The following OSMR variants were observed in gnomAD, a reference collection of about 807,000 sequenced individuals.
OSMR encodes the protein oncostatin-M-specific receptor subunit beta.
Under a neutral mutation model 99.9 loss-of-function variants are expected in OSMR, and 81 were observed. The observed-to-expected ratio is 0.81, with a 90% confidence interval of 0.68 to 0.97. The LOEUF (loss-of-function observed/expected upper bound fraction) is 0.97, where lower values mean the gene tolerates loss of function less well. Ranked by LOEUF, OSMR falls within the 50% of genes least tolerant of loss-of-function variation. OSMR has a pLI of 0.00. For synonymous variants in OSMR, 406 were observed against 410.4 expected, an observed-to-expected ratio of 0.99 and a Z score of 0.13; for missense variants, 1,099 against 1,153.4, an observed-to-expected ratio of 0.95 and a Z score of 0.68.
chr5:38,929,053 C>T (rs188794367), intron 15 of OSMR, among the ~76,000 whole-genome samples: 11 of 152,160 alleles, frequency 7.2e-5, no homozygotes, highest in African/African-American at 2.6e-4. Flanking sequence ...ATATTTGCAA[C>T]TTTCCTGAGA....
chr5:38,888,110 TGCA>T (rs1426981882), intron 7 of OSMR, among the ~76,000 whole-genome samples: 2 of 152,176 alleles, frequency 1.3e-5, no homozygotes, highest in Non-Finnish European at 2.9e-5. Flanking sequence ...AAACCCCATG[TGCA>T]GCAGAATAGT....
Position 38,883,967 on chromosome 5 carries a change from C to G in OSMR, c.559C>G (p.His187Asp). The change falls in exon 5 of 18, where the codon CAT becomes GAT. Residue 187 changes from histidine (H) to aspartate (D), a missense_variant. His to Asp is a moderately conservative substitution (Grantham distance 81). Transcript: ENST00000274276. ...CTGTTATTTGGAAGGGAAACAGATT[C>G]ATGGAGAACAACTTGATCCACATGT... ...VSCYLEGKQIHGEQLDPHVTA... is the reference protein window; with the variant it reads ...VSCYLEGKQIDGEQLDPHVTA... The G allele has an allele frequency of 6.2e-7, 1 of 1,613,850 alleles. No homozygotes were observed. Among genetic ancestry groups the G allele is most frequent in the South Asian group, 1.1e-5 (1 of 91,068 alleles).
At position 38,876,549 on chromosome 5, in the gene OSMR, T is replaced by C. The variant is rs552655034; in HGVS notation, c.246+176T>C. On this transcript the variant is annotated intron_variant, in intron 3 of 17. Transcript: ENST00000274276. ...GTTAATGATCCAGGACAAAGTAACA[T>C]GACAACTTTGGTTTGGTAGGTAGGA... is the stretch of plus-strand genomic sequence containing the variant. Among the ~76,000 whole-genome samples, 3 of 152,310 alleles carry C rather than the reference T, an allele frequency of 2.0e-5. No homozygotes were observed. The South Asian group carries it at 6.2e-4, about 32-fold the overall frequency.
At chr5:38,915,548 C>A (rs930943948) in intron 9 of OSMR, among the ~76,000 whole-genome samples, 3 of 152,154 alleles carry the variant, frequency 2.0e-5, no homozygotes, top group Non-Finnish European at 4.4e-5. Flanking sequence ...GATTATGAAA[C>A]TAACAACTCT....
chr5:38,868,922 G>A, intron 1 of OSMR, 110 bp from the exon 2 acceptor site: 1 of 1,259,346 alleles, frequency 7.9e-7, no homozygotes, highest in Non-Finnish European at 1.1e-6. Context: ...ATACAGGGAA[G>A]GGAGAAGTAT....
chr5:38,942,693 C>T, intron 1 of OSMR: 1 of 629,218 alleles, frequency 1.6e-6, no homozygotes, highest in Non-Finnish European at 2.7e-6. Context: ...TGGGCTCAAG[C>T]AATTCTCCCG....
Position 38,933,046 on chromosome 5 carries a change from T to TCTGGCC in OSMR, c.2550_2555dup (p.Gly851_Pro852dup). ...TCTCCTTCCAACAGAAAAGAATCAC[T>TCTGGCC]CTGGCCCTGGCCCCTGCATCTGTTT... On this transcript the variant is annotated inframe_insertion, in exon 18 of 18. Coordinates refer to ENST00000274276, the MANE Select transcript of OSMR (RefSeq NM_003999.3). 1.2e-6 allele frequency: 2 copies of TCTGGCC among 1,614,184 alleles called. No individual in the cohort carries two copies. Among genetic ancestry groups the TCTGGCC allele is most frequent in the South Asian group, 2.2e-5 (2 of 91,078 alleles).
In OSMR at chr5:38,898,599, A is replaced by G. The variant is rs190113075; in HGVS notation, c.992-5283A>G. 2.3e-3 allele frequency among the ~76,000 whole-genome samples: 349 copies of G among 152,254 alleles called. 1 individual carries two copies. The highest frequency in any genetic ancestry group is 3.9e-3 in the Non-Finnish European group (267 of 68,010). ...GGAAAGTTTAGTCCATTTACACTCA[A>G]TGTTATTATTGATAAGTAAGGGCTT... On this transcript the variant is annotated intron_variant, in intron 7 of 17. Coordinates refer to ENST00000274276, the MANE Select transcript of OSMR (RefSeq NM_003999.3).
chr5:38,897,000 C>T (rs1264759973), intron 7 of OSMR, among the ~76,000 whole-genome samples: 1 of 151,930 alleles, frequency 6.6e-6, no homozygotes. Flanking sequence ...GGGATAGATC[C>T]CACTTGGTCA....
At chr5:38,913,859 T>TA (rs944818590) in intron 9 of OSMR, among the ~76,000 whole-genome samples, 2 of 152,176 alleles carry the variant, frequency 1.3e-5, no homozygotes, top group Non-Finnish European at 2.9e-5. Flanking sequence ...AAGGAGGTGT[T>TA]ACACAAAAAG....
At chr5:38,901,135 T>C (rs911860481) in intron 7 of OSMR, among the ~76,000 whole-genome samples, 1 of 152,210 alleles carries the variant, frequency 6.6e-6, no homozygotes, top group Non-Finnish European at 1.5e-5. Context: ...GTTTAGCCTA[T>C]TGGATAGAAT....
chr5:38,881,750 G>A lies in OSMR; in HGVS notation c.404G>A (p.Trp135Ter). 3.1e-6 allele frequency: 5 copies of A among 1,614,042 alleles called. No individual in the cohort carries two copies. The highest frequency in any genetic ancestry group is 1.1e-5 in the South Asian group (1 of 91,074). The change falls in exon 4 of 18, where the codon TGG becomes TAG. Residue 135 changes from tryptophan (W) to a stop codon, truncating the protein, a stop_gained. Transcript: ENST00000274276. LOFTEE classifies it high-confidence loss of function. ...AATTTCTGGAGCAACTGGAGTTCCT[G>A]GGAGGAAGTCAGTGGTAAGAAGTGA... ...EPNFWSNWSS[W>*]EEVSVQDSTG... is the part of the protein sequence containing the mutation.
chr5:38,855,916 T>C (rs1453276605), intron 1 of OSMR, among the ~76,000 whole-genome samples: 1 of 152,172 alleles, frequency 6.6e-6, no homozygotes, highest in Non-Finnish European at 1.5e-5. Flanking sequence ...TCTGCCTGTC[T>C]GCATGCCCTC....
intron 3 of OSMR, among the ~76,000 whole-genome samples, chr5:38,881,266 A>T (rs188541781): frequency 4.5e-4 from 69 of 152,150 alleles, no homozygotes; most frequent in Admixed American, 4.4e-3. Context: ...ATTCTCTGGG[A>T]CTGGCACAGT....
chr5:38,931,045 G>T (rs2112698491), intron 15 of OSMR, among the ~76,000 whole-genome samples: 1 of 151,858 alleles, frequency 6.6e-6, no homozygotes, highest in Middle Eastern at 3.4e-3. Flanking sequence ...AGCTCTATTT[G>T]TCAGGGTTTC....
intron 1 of OSMR, among the ~76,000 whole-genome samples, chr5:38,866,402 T>C (rs1234886873): frequency 2.6e-5 from 4 of 152,124 alleles, no homozygotes; most frequent in African/African-American, 9.7e-5. Flanking sequence ...AGGTTAGAGT[T>C]GCTGTCAGTG....
rs537688516 is a variant in OSMR at position 38,858,496 on chromosome 5, T to G, written c.-13-10536T>G. Among the ~76,000 whole-genome samples the G allele has an allele frequency of 1.2e-4, 18 of 152,358 alleles. 1 individual carries two copies. The South Asian group carries it at 3.5e-3, about 30-fold the overall frequency. On this transcript the variant is annotated intron_variant, in intron 1 of 17. Transcript: ENST00000274276. ...TCCACTGTGTATATATACCACATTT[T>G]CTGTATCACTTGTCTGGTGTACAAC...
intron 9 of OSMR, among the ~76,000 whole-genome samples, chr5:38,913,584 CAG>C (rs1008964969): frequency 2.9e-4 from 44 of 149,686 alleles, no homozygotes; most frequent in African/African-American, 9.8e-4. Flanking sequence ...AAGACATGAA[CAG>C]AGAGTTCTGA....
intron 9 of OSMR, among the ~76,000 whole-genome samples, chr5:38,915,013 G>A (rs1019969092): frequency 6.6e-6 from 1 of 152,114 alleles, no homozygotes; most frequent in East Asian, 1.9e-4. Context: ...TTTCTAGGAA[G>A]TATTTTTAAA....
Sources: allele counts gnomAD v4.1 joint callset (sites outside exome capture counted in the v4.1 genomes callset), GRCh38; gene constraint gnomAD v4.1.1; transcripts MANE v1.5; gene names NCBI Gene and HGNC (gene_info 2026-07-23, HGNC 2026-07-21).